Variants in DNAI3 observed in about 807,000 individuals in gnomAD.
DNAI3 encodes the protein dynein axonemal intermediate chain 3.
In DNAI3, 83 loss-of-function variants were observed where a neutral mutation model predicts 115.5. That is an observed-to-expected ratio of 0.72 (90% CI 0.60 to 0.86). DNAI3 has a LOEUF of 0.86. DNAI3 is among the 40% of genes least tolerant of loss of function. The probability of loss-of-function intolerance (pLI) is 0.00; values close to 1 mark genes in which losing one functional copy is unlikely to be tolerated. For missense variants in DNAI3, 1,004 were observed against 1,075.8 expected (o/e 0.93, Z 0.93); for synonymous variants, 320 against 347.0 (o/e 0.92, Z 0.86).
intron 21 of DNAI3, 83 bp downstream of exon 21, chr1:85,128,882 A>C: frequency 7.7e-7 from 1 of 1,298,108 alleles, no homozygotes; most frequent in Non-Finnish European, 1.1e-6. Context: ...TAGAAATGAC[A>C]GCATTTTTGC....
At chr1:85,098,217 C>A (rs1299932982) in intron 12 of DNAI3, among the ~76,000 whole-genome samples, 1 of 152,142 alleles carries the variant, frequency 6.6e-6, no homozygotes, top group Non-Finnish European at 1.5e-5. Flanking sequence ...AAGTCTCTTA[C>A]CAAAGAATGG....
intron 3 of DNAI3, among the ~76,000 whole-genome samples, chr1:85,076,104 A>G (rs1321382383): frequency 6.6e-6 from 1 of 152,136 alleles, no homozygotes; most frequent in Non-Finnish European, 1.5e-5. Context: ...CACTGTATTT[A>G]TTGACTCCTG....
chr1:85,107,915 T>A (rs1020639860), intron 14 of DNAI3, 118 bp from the exon 15 acceptor site: 1 of 688,266 alleles, frequency 1.5e-6, no homozygotes, highest in Non-Finnish European at 2.1e-6. Context: ...AATCTTAGTT[T>A]CAGATACATT....
intron 10 of DNAI3, 51 bp from the exon 11 acceptor site, chr1:85,095,880 G>T: frequency 6.6e-7 from 1 of 1,523,992 alleles, no homozygotes; most frequent in South Asian, 1.1e-5. Flanking sequence ...TTCTCGCCAT[G>T]ATCTTAATCT....
chr1:85,122,490 C>T (rs1480731592), intron 18 of DNAI3, among the ~76,000 whole-genome samples: 1 of 152,204 alleles, frequency 6.6e-6, no homozygotes, highest in Non-Finnish European at 1.5e-5. Flanking sequence ...ATTATAACTG[C>T]TCATTTTAAA....
rs560466243 is a variant in DNAI3 at position 85,130,051 on chromosome 1, G to A, written c.2471G>A (p.Arg824His). ...AAGCATCTGGAATACGTAGAACAGC[G>A]CAAAAAAATTCGTGAGCAAGAAAAG... is the stretch of plus-strand genomic sequence containing the variant. ...EVKHLEYVEQ[R>H]KKIREQEKKE... Residue 824 changes from arginine to histidine, a missense_variant, in exon 22 of 23, where the codon CGC becomes CAC. Coordinates refer to ENST00000294664, the MANE Select transcript of DNAI3 (RefSeq NM_145172.5). 1.4e-5 allele frequency: 22 copies of A among 1,613,632 alleles called. No homozygotes were observed. Among genetic ancestry groups the A allele is most frequent in the South Asian group, 3.3e-5 (3 of 91,018 alleles).
Position 85,130,040 on chromosome 1 carries a change from C to G in DNAI3, c.2460C>G (p.Tyr820Ter), listed in dbSNP as rs567011548. The change falls in exon 22 of 23, where the codon TAC becomes TAG. Residue 820 changes from tyrosine (Y) to a stop codon, truncating the protein, a stop_gained. Coordinates refer to ENST00000294664, the MANE Select transcript of DNAI3 (RefSeq NM_145172.5). LOFTEE classifies it high-confidence loss of function. ...AAAGAGAAGTCAAGCATCTGGAATACGTAGAACAGCGCAAAAAAATTCGTG... is the reference window on the plus strand; with the variant it reads ...AAAGAGAAGTCAAGCATCTGGAATAGGTAGAACAGCGCAAAAAAATTCGTG... ...YFEREVKHLE[Y>*]VEQRKKIREQ... is the part of the protein sequence containing the mutation. The G allele has an allele frequency of 1.2e-6, 2 of 1,613,344 alleles. No individual in the cohort carries two copies. The highest frequency in any genetic ancestry group is 2.2e-5 in the East Asian group (1 of 44,860).
chr1:85,073,206 T>A, intron 3 of DNAI3, 114 bp downstream of exon 3: 1 of 672,356 alleles, frequency 1.5e-6, no homozygotes, highest in Non-Finnish European at 2.3e-6. Flanking sequence ...GTACATGGGC[T>A]AAAATTATAC....
At chr1:85,094,971 A>G (rs1182866493) in intron 10 of DNAI3, among the ~76,000 whole-genome samples, 1 of 152,164 alleles carries the variant, frequency 6.6e-6, no homozygotes, top group East Asian at 1.9e-4. Flanking sequence ...TGGAGAGTGC[A>G]TTATCCATCT....
At chr1:85,091,125 A>C (rs984726765) in intron 8 of DNAI3, among the ~76,000 whole-genome samples, 1 of 152,170 alleles carries the variant, frequency 6.6e-6, no homozygotes, top group Middle Eastern at 3.2e-3. Context: ...GGATGCTATA[A>C]TTTTTGCTAT....
At chr1:85,112,987 T>A (rs913144528) in intron 16 of DNAI3, among the ~76,000 whole-genome samples, 23 of 152,236 alleles carry the variant, frequency 1.5e-4, no homozygotes, top group African/African-American at 5.1e-4. Flanking sequence ...CAGGCTGGTC[T>A]CGAACTCCTG....
intron 8 of DNAI3, 124 bp downstream of exon 8, chr1:85,090,356 A>AGT: frequency 4.2e-6 from 2 of 479,830 alleles, no homozygotes; most frequent in Non-Finnish European, 3.6e-6. Flanking sequence ...GACAGTTGTC[A>AGT]GTGTGACACA....
At chr1:85,122,310 C>T (rs1421475149) in intron 18 of DNAI3, among the ~76,000 whole-genome samples, 1 of 152,132 alleles carries the variant, frequency 6.6e-6, no homozygotes, top group Non-Finnish European at 1.5e-5. Context: ...GGGGCTAGGA[C>T]AGGTCGTGTC....
At chr1:85,117,667 C>CTA in intron 16 of DNAI3, 62 bp from the exon 17 acceptor site, 1 of 1,589,032 alleles carries the variant, frequency 6.3e-7, no homozygotes, top group African/African-American at 1.3e-5. Context: ...TGTAAACTGT[C>CTA]TATATTTTAA....
intron 2 of DNAI3, 118 bp downstream of exon 2, chr1:85,072,123 C>T: frequency 1.0e-6 from 1 of 979,926 alleles, no homozygotes; most frequent in South Asian, 1.7e-5. Flanking sequence ...GACATAAAGT[C>T]AAATGTATGA....
At chr1:85,066,314 C>CATTTTTTT (rs1553164760) in intron 1 of DNAI3, among the ~76,000 whole-genome samples, 3 of 70,036 alleles carry the variant, frequency 4.3e-5, no homozygotes, top group East Asian at 4.1e-4. Context: ...TTCTGCTACT[C>CATTTTTTT]TTTTTTTTTT....
chr1:85,068,493 G>A (rs1654164107), intron 1 of DNAI3, among the ~76,000 whole-genome samples: 1 of 152,086 alleles, frequency 6.6e-6, no homozygotes, highest in Non-Finnish European at 1.5e-5. Context: ...CTCTCCCATG[G>A]ATTTTTAAAT....
chr1:85,096,130 C>T, intron 11 of DNAI3, 110 bp downstream of exon 11: 1 of 968,286 alleles, frequency 1.0e-6, no homozygotes, highest in Non-Finnish European at 1.6e-6. Flanking sequence ...AGAAGGAAGG[C>T]ATGCCAATTG....
Position 85,108,295 on chromosome 1 carries a change from A to T in DNAI3, c.1698+118A>T, listed in dbSNP as rs546325105. The T allele has an allele frequency of 3.3e-5, 37 of 1,123,534 alleles. 1 individual carries two copies. The South Asian group carries it at 7.5e-4, about 23-fold the overall frequency. The allele number at this position is 1,123,534 out of a possible 1,614,324, so 69.6% of individuals were successfully genotyped here. On this transcript the variant is annotated intron_variant, in intron 15 of 22. Transcript: ENST00000294664. ...GTAGAGCAGCTCAGATTAACACAAG[A>T]CTGTACAATTTGTGTTTATTCAACC...
Sources: allele counts gnomAD v4.1 joint callset (sites outside exome capture counted in the v4.1 genomes callset), GRCh38; gene constraint gnomAD v4.1.1; transcripts MANE v1.5; gene names NCBI Gene and HGNC (gene_info 2026-07-23, HGNC 2026-07-21).